The following SLC24A3 variants were observed in gnomAD, a reference collection of about 807,000 sequenced individuals.
SLC24A3 encodes solute carrier family 24 member 3.
Under a neutral mutation model 75.8 loss-of-function variants are expected in SLC24A3, and 28 were observed. The ratio of observed to expected loss-of-function variants is 0.37; its 90% confidence interval spans 0.27 to 0.51. The LOEUF (loss-of-function observed/expected upper bound fraction) is 0.51, where lower values mean the gene tolerates loss of function less well. Among genes scored for constraint, SLC24A3 ranks in the 20% least tolerant of loss-of-function variants. The pLI is 0.94. For missense variants in SLC24A3, 663 were observed against 847.8 expected (o/e 0.78, Z 2.71); for synonymous variants, 372 against 334.1 (o/e 1.11, Z -1.24).
chr20:19,528,309 C>T (rs558844050), intron 3 of SLC24A3, among the ~76,000 whole-genome samples: 3 of 152,106 alleles, frequency 2.0e-5, no homozygotes, highest in East Asian at 1.9e-4. Flanking sequence ...CAGCCATCAG[C>T]GCTCCCACTC....
chr20:19,377,458 G>A (rs1310453201), intron 2 of SLC24A3, among the ~76,000 whole-genome samples: 1 of 152,126 alleles, frequency 6.6e-6, no homozygotes, highest in African/African-American at 2.4e-5. Context: ...GACCCATTCT[G>A]CATGAATTTA....
chr20:19,474,696 A>G lies in SLC24A3; in HGVS notation c.272-40792A>G, dbSNP rs6112403. Among the ~76,000 whole-genome samples the G allele has an allele frequency of 7.8e-3, 1,192 of 152,360 alleles. 7 individuals are homozygous for G. The highest frequency in any genetic ancestry group is 0.012 in the Non-Finnish European group (840 of 68,036). On this transcript the variant is annotated intron_variant, in intron 2 of 16. Coordinates refer to ENST00000328041, the MANE Select transcript of SLC24A3 (RefSeq NM_020689.4). ...GGATGATTAAATCAAGCTAATTAAC[A>G]TATTCATCACCTCATGTTGGAATTT...
rs398035484 is a variant in SLC24A3 at position 19,665,831 on chromosome 20, G to GTGTGTGTGTC, written c.688-32_688-31insGTGTGTGTCT. 20 of 1,404,672 alleles carry GTGTGTGTGTC rather than the reference G, an allele frequency of 1.4e-5. No homozygotes were observed. In the Admixed American group the frequency reaches 2.2e-4, roughly 15 times the overall value. 87.0% of individuals were successfully genotyped at this position (1,404,672 alleles called of 1,614,324 possible). A position where few individuals can be genotyped will look rare whatever the true frequency, so the allele number is the denominator to read the frequency against. ...TGTGTGTGTGTGTGTGTGTGTGTGT[G>GTGTGTGTGTC]TCTAATCTTCTATTCTTTTTATTTT... On this transcript the variant is annotated intron_variant, in intron 7 of 16. Coordinates refer to ENST00000328041, the MANE Select transcript of SLC24A3 (RefSeq NM_020689.4).
intron 2 of SLC24A3, among the ~76,000 whole-genome samples, chr20:19,418,513 A>T (rs1288696398): frequency 6.6e-6 from 1 of 152,082 alleles, no homozygotes; most frequent in African/African-American, 2.4e-5. Flanking sequence ...AACCCAGATA[A>T]ATAAAAGTTA....
Position 19,474,361 on chromosome 20 carries a change from G to T in SLC24A3, c.272-41127G>T, listed in dbSNP as rs575199645. ...CCAATGCAAGAAGACTGCACAACCC[G>T]GATTTTAAAATCTGATAGCGAGCAC... On this transcript the variant is annotated intron_variant, in intron 2 of 16. Transcript: ENST00000328041. 3.9e-4 allele frequency among the ~76,000 whole-genome samples: 59 copies of T among 152,204 alleles called. 2 individuals are homozygous for T. The highest frequency in any genetic ancestry group is 2.7e-3 in the Admixed American group (41 of 15,282).
At chr20:19,336,679 G>T (rs1012631851) in intron 2 of SLC24A3, among the ~76,000 whole-genome samples, 3 of 34,400 alleles carry the variant, frequency 8.7e-5, no homozygotes, top group Non-Finnish European at 1.8e-4. Context: ...CACTGTGCCC[G>T]CCCGCCACCC....
chr20:19,704,784 A>G (rs530184926), intron 15 of SLC24A3, among the ~76,000 whole-genome samples: 1 of 152,290 alleles, frequency 6.6e-6, no homozygotes, highest in Non-Finnish European at 1.5e-5. Context: ...GATGTGTCCT[A>G]GAACAGGAGA....
intron 3 of SLC24A3, among the ~76,000 whole-genome samples, chr20:19,532,308 G>T (rs3790250): frequency 6.6e-6 from 1 of 151,602 alleles, no homozygotes; most frequent in African/African-American, 2.4e-5. Flanking sequence ...GGAAGGCCCC[G>T]CAGCCCTCCA....
At chr20:19,665,996 G>A (rs1221272253) in intron 8 of SLC24A3, 107 bp downstream of exon 8, 4 of 1,266,974 alleles carry the variant, frequency 3.2e-6, no homozygotes, top group Non-Finnish European at 4.4e-6. Context: ...TGTCATGACA[G>A]CTTAGAATGA....
chr20:19,226,703 A>G (rs575808748), intron 1 of SLC24A3, among the ~76,000 whole-genome samples: 3 of 152,338 alleles, frequency 2.0e-5, no homozygotes, highest in African/African-American at 7.2e-5. Flanking sequence ...TAGAGTAGAT[A>G]CCATTATTAT....
At chr20:19,694,094 T>G (rs2032777424) in intron 13 of SLC24A3, 1 of 152,228 alleles carries the variant, frequency 6.6e-6, no homozygotes, top group African/African-American at 2.4e-5. Flanking sequence ...AAATAATGAC[T>G]CAGTGATTCA....
intron 15 of SLC24A3, among the ~76,000 whole-genome samples, chr20:19,706,798 GCAA>G (rs1459269826): frequency 6.6e-6 from 1 of 152,156 alleles, no homozygotes; most frequent in Non-Finnish European, 1.5e-5. Context: ...AAGACTGATG[GCAA>G]CAAGTTCAGC....
chr20:19,513,735 T>TAAAAAA (rs1568640205), intron 2 of SLC24A3, among the ~76,000 whole-genome samples: 9 of 96,830 alleles, frequency 9.3e-5, no homozygotes, highest in African/African-American at 4.1e-4. Context: ...TGCTTTTTTT[T>TAAAAAA]TAGAAAAAAA....
Position 19,662,536 on chromosome 20 carries a change from A to G in SLC24A3, c.688-3328A>G, listed in dbSNP as rs555419452. On this transcript the variant is annotated intron_variant, in intron 7 of 16. Transcript: ENST00000328041. ...GAACTGACTTCATTTCAACTTCACTACCTTGGCAGGCTGGACATGGAGGGA... is the reference window on the plus strand; with the variant it reads ...GAACTGACTTCATTTCAACTTCACTGCCTTGGCAGGCTGGACATGGAGGGA... Among the ~76,000 whole-genome samples, 11 of 152,342 alleles carry G rather than the reference A, an allele frequency of 7.2e-5. No individual in the cohort carries two copies. In the South Asian group the frequency reaches 2.1e-3, roughly 29 times the overall value.
At chr20:19,221,788 T>A (rs1600380578) in intron 1 of SLC24A3, among the ~76,000 whole-genome samples, 1 of 152,206 alleles carries the variant, frequency 6.6e-6, no homozygotes, top group Admixed American at 6.5e-5. Flanking sequence ...CCTAATGGTC[T>A]ATTTTTTCCT....
intron 1 of SLC24A3, among the ~76,000 whole-genome samples, chr20:19,218,327 G>A (rs909895527): frequency 1.3e-5 from 2 of 152,178 alleles, no homozygotes; most frequent in African/African-American, 4.8e-5. Flanking sequence ...CATTTCTCAT[G>A]GGATAGCACT....
Position 19,227,760 on chromosome 20 carries a change from G to C in SLC24A3, c.142+14776G>C, listed in dbSNP as rs76481179. Among the ~76,000 whole-genome samples, 40 of 152,004 alleles carry C rather than the reference G, an allele frequency of 2.6e-4. No individual in the cohort carries two copies. In the East Asian group the frequency reaches 7.5e-3, roughly 29 times the overall value. The stretch of plus-strand genomic sequence containing the variant: ...TGTTATATTTACTCATTAATTAATT[G>C]TAACTTATTAGCATGTTAATTATCT... On this transcript the variant is annotated intron_variant, in intron 1 of 16. Coordinates refer to ENST00000328041, the MANE Select transcript of SLC24A3 (RefSeq NM_020689.4).
At chr20:19,230,654 A>G (rs1275146985) in intron 1 of SLC24A3, among the ~76,000 whole-genome samples, 1 of 65,676 alleles carries the variant, frequency 1.5e-5, no homozygotes, top group African/African-American at 4.9e-5. Context: ...ATAGAAAGAC[A>G]TATTGATGGG....
chr20:19,490,675 T>C (rs973275517), intron 2 of SLC24A3, among the ~76,000 whole-genome samples: 5 of 152,144 alleles, frequency 3.3e-5, no homozygotes, highest in African/African-American at 1.2e-4. Flanking sequence ...ATAAACACCA[T>C]TCCTCAATTT....
Sources: gnomAD v4.1 joint callset for allele counts (sites outside exome capture counted in the v4.1 genomes callset) on GRCh38, gnomAD v4.1.1 for gene constraint, MANE v1.5 for transcripts, NCBI Gene and HGNC (gene_info 2026-07-23, HGNC 2026-07-21) for gene names.